Variants in CCT2 observed in about 807,000 individuals in gnomAD.
The protein encoded by CCT2 is chaperonin containing TCP1 subunit 2, also known as T-complex protein 1 subunit beta.
CCT2 carries 18 observed loss-of-function variants against 61.8 expected under a neutral mutation model. The ratio of observed to expected loss-of-function variants is 0.29; its 90% CI spans 0.20 to 0.43. CCT2 has a LOEUF of 0.43. Ranked by LOEUF, CCT2 falls within the 20% of genes least tolerant of loss-of-function variation. The pLI is 1.00. For missense variants in CCT2, 556 were observed against 656.9 expected, an observed-to-expected ratio of 0.85 and a Z score of 1.68; for synonymous variants, 248 against 215.9, an observed-to-expected ratio of 1.15 and a Z score of -1.30.
chr12:69,586,186 C>T, intron 1 of CCT2, 84 bp from the exon 2 acceptor site: 3 of 1,172,202 alleles, frequency 2.6e-6, no homozygotes, highest in Non-Finnish European at 2.5e-6. Flanking sequence ...TAGATGTCCA[C>T]TTGTAAGACT....
intron 10 of CCT2, among the ~76,000 whole-genome samples, chr12:69,593,917 C>T (rs1881910090): frequency 1.3e-5 from 2 of 151,766 alleles, no homozygotes; most frequent in African/African-American, 4.8e-5. Context: ...GCAGCCAGAT[C>T]GCTTGAGCTC....
At chr12:69,597,094 T>C in intron 10 of CCT2, 62 bp from the exon 11 acceptor site, 1 of 1,536,332 alleles carries the variant, frequency 6.5e-7, no homozygotes, top group Non-Finnish European at 9.0e-7. Context: ...CATTACTGCT[T>C]ATTAGAAAAC....
In CCT2 at chr12:69,594,237, T is replaced by TA. The variant is rs535730224; in HGVS notation, c.982+625dup. On this transcript the variant is annotated intron_variant, in intron 10 of 15. Coordinates refer to ENST00000299300, the MANE Select transcript of CCT2 (RefSeq NM_006431.3). Reference sequence around the variant, plus strand: ...AGCTTTAAAAAGTCTTAAGTCTACTTACATTTATCTAGTTCGTACATTTGT... The same window carrying TA: ...AGCTTTAAAAAGTCTTAAGTCTACTTAACATTTATCTAGTTCGTACATTTGT... Among the ~76,000 whole-genome samples the TA allele has an allele frequency of 3.9e-5, 6 of 152,354 alleles. No individual in the cohort carries two copies. In the South Asian group the frequency reaches 1.2e-3, roughly 32 times the overall value.
intron 14 of CCT2, 57 bp downstream of exon 14, chr12:69,598,478 C>CTT: frequency 2.0e-6 from 2 of 1,023,296 alleles, no homozygotes; most frequent in South Asian, 3.4e-5. Context: ...TTTCACTAAG[C>CTT]TTTTTTTTTC....
At chr12:69,600,604 A>G (rs1204775287) in intron 15 of CCT2, among the ~76,000 whole-genome samples, 2 of 151,314 alleles carry the variant, frequency 1.3e-5, no homozygotes, top group South Asian at 2.1e-4. Context: ...TTTTTTTCAG[A>G]TCAGTGCCCT....
intron 10 of CCT2, among the ~76,000 whole-genome samples, chr12:69,595,625 T>C (rs1593099992): frequency 6.7e-6 from 1 of 148,682 alleles, no homozygotes; most frequent in African/African-American, 2.5e-5. Context: ...GAGGTGGAGG[T>C]TGCAGTGAGC....
chr12:69,601,478 A>G lies in CCT2; in HGVS notation c.*153A>G, dbSNP rs1197801445. On this transcript the variant is annotated 3_prime_UTR_variant, in exon 16 of 16. Coordinates refer to ENST00000299300, the MANE Select transcript of CCT2 (RefSeq NM_006431.3). ...CTGACCTTCGCTTTAACATAGGTCT[A>G]ATTTATTTGCCGTGTCATTTTCCAT... 1.3e-6 allele frequency: 2 copies of G among 1,513,466 alleles called. No individual in the cohort carries two copies. The highest frequency in any genetic ancestry group is 1.8e-6 in the Non-Finnish European group (2 of 1,131,024). 93.8% of individuals were successfully genotyped at this position (1,513,466 alleles called of 1,614,324 possible).
At position 69,587,580 on chromosome 12, in the gene CCT2, A is replaced by T. The variant is rs763567991; in HGVS notation, c.220A>T (p.Ile74Phe). The change falls in exon 4 of 16, where the codon ATT (isoleucine) becomes TTT (phenylalanine). Residue 74 changes from isoleucine (I) to phenylalanine (F), a missense_variant. Physicochemically the swap from Ile to Phe is conservative, Grantham distance 21. This residue lies in a region of CCT2 where 308 missense variants were observed against 350.6 expected (regional missense o/e 0.88). Transcript: ENST00000299300. ...TNDGATILKNIGVDNPAAKVL... is the reference protein window; with the variant it reads ...TNDGATILKNFGVDNPAAKVL... The stretch of plus-strand genomic sequence containing the variant: ...TGATGGTGCCACTATTCTAAAAAAC[A>T]TTGGTGTTGACAATCCAGCAGCTAA... 5.6e-6 allele frequency: 9 copies of T among 1,613,118 alleles called. No homozygotes were observed. In the Admixed American group the frequency reaches 1.3e-4, roughly 24 times the overall value.
intron 1 of CCT2, 142 bp from the exon 2 acceptor site, chr12:69,586,128 A>G (rs1266068158): frequency 1.5e-5 from 17 of 1,116,224 alleles, no homozygotes; most frequent in Non-Finnish European, 2.2e-5. Flanking sequence ...TTCTCCGATG[A>G]TGGAAGCTTC....
At chr12:69,598,490 T>G (rs1283130614) in intron 14 of CCT2, 69 bp downstream of exon 14, 2 of 956,654 alleles carry the variant, frequency 2.1e-6, no homozygotes, top group East Asian at 5.1e-5. Context: ...TTTTTTTTCT[T>G]TTGGAACATA....
In CCT2 at chr12:69,592,118, A is replaced by C. The variant is rs1173295938; in HGVS notation, c.709A>C (p.Ile237Leu). 1.9e-6 allele frequency: 3 copies of C among 1,599,850 alleles called. No individual in the cohort carries two copies. Among genetic ancestry groups the C allele is most frequent in the Admixed American group, 3.3e-5 (2 of 59,908 alleles). The change falls in exon 8 of 16, where the codon ATT becomes CTT. Residue 237 changes from isoleucine (I) to leucine (L), a missense_variant. Ile to Leu is a conservative substitution (Grantham distance 5, BLOSUM62 2). Around this residue, in one of 3 missense-constraint regions of CCT2, gnomAD observed 308 missense variants for 350.6 expected, o/e 0.88. Coordinates refer to ENST00000299300, the MANE Select transcript of CCT2 (RefSeq NM_006431.3). ...NQPKRIENAKILIANTGMDTD... is the reference protein window; with the variant it reads ...NQPKRIENAKLLIANTGMDTD... The stretch of plus-strand genomic sequence containing the variant: ...ACCAAAACGAATTGAAAATGCTAAA[A>C]TTCTTATTGCAAATACTGGTATGGA...
intron 13 of CCT2, 43 bp from the exon 14 acceptor site, chr12:69,598,279 T>G: frequency 2.9e-6 from 4 of 1,371,286 alleles, no homozygotes; most frequent in Non-Finnish European, 4.1e-6. Flanking sequence ...TCAGTGGTTC[T>G]TACAGTAGAG....
chr12:69,598,535 G>A, intron 14 of CCT2, 114 bp downstream of exon 14: 1 of 537,412 alleles, frequency 1.9e-6, no homozygotes, highest in East Asian at 3.1e-5. Context: ...GACTCTTTTG[G>A]ACTTTGTCCT....
chr12:69,591,683 T>C (rs566283308), intron 7 of CCT2, among the ~76,000 whole-genome samples: 10 of 152,366 alleles, frequency 6.6e-5, no homozygotes, highest in African/African-American at 2.2e-4. Context: ...AAGTAACCCA[T>C]TAAATTGATT....
At position 69,597,077 on chromosome 12, in the gene CCT2, A is replaced by G. The variant is rs192078589; in HGVS notation, c.983-79A>G. On this transcript the variant is annotated intron_variant, in intron 10 of 15. Transcript: ENST00000299300. Reference sequence around the variant, plus strand: ...AATGTGAAACACATTACCTATCATTATCTATCCATTACTGCTTATTAGAAA... The same window carrying G: ...AATGTGAAACACATTACCTATCATTGTCTATCCATTACTGCTTATTAGAAA... The G allele has an allele frequency of 2.2e-3, 2,868 of 1,299,004 alleles. 11 individuals are homozygous for G. Among genetic ancestry groups the G allele is most frequent in the Non-Finnish European group, 2.2e-3 (2,046 of 917,598 alleles). The allele number at this position is 1,299,004 out of a possible 1,614,324, so 80.5% of individuals were successfully genotyped here. A position where few individuals can be genotyped will look rare whatever the true frequency, so the allele number is the denominator to read the frequency against.
At chr12:69,598,618 A>G (rs998161322) in intron 14 of CCT2, among the ~76,000 whole-genome samples, 197 bp downstream of exon 14, 4 of 152,226 alleles carry the variant, frequency 2.6e-5, no homozygotes, top group Non-Finnish European at 4.4e-5. Context: ...TTGTTATTCC[A>G]TAAGACATGT....
Position 69,601,392 on chromosome 12 carries a change from TAAAG to T in CCT2, c.*70_*73del, listed in dbSNP as rs1565803722. Reference sequence around the variant, plus strand: ...AAGTTGTGTTTGAAAGATACTCTATTAAAGAAGACTGTGGAATCTGTTTATCGGT... The same window carrying T: ...AAGTTGTGTTTGAAAGATACTCTATTAAGACTGTGGAATCTGTTTATCGGT... On this transcript the variant is annotated 3_prime_UTR_variant, in exon 16 of 16. Coordinates refer to ENST00000299300, the MANE Select transcript of CCT2 (RefSeq NM_006431.3). The T allele has an allele frequency of 1.2e-6, 2 of 1,613,648 alleles. No individual in the cohort carries two copies.
At chr12:69,595,996 C>T (rs1355053473) in intron 10 of CCT2, among the ~76,000 whole-genome samples, 2 of 152,132 alleles carry the variant, frequency 1.3e-5, no homozygotes, top group African/African-American at 4.8e-5. Flanking sequence ...TGCTTGTGCC[C>T]AGGAGGTTGT....
chr12:69,594,031 G>T (rs1000470965), intron 10 of CCT2, among the ~76,000 whole-genome samples: 4 of 152,014 alleles, frequency 2.6e-5, no homozygotes, highest in Non-Finnish European at 2.9e-5. Context: ...AGCCACTTGG[G>T]GGGAGGCTGA....
Sources: gnomAD v4.1 joint callset for allele counts (sites outside exome capture counted in the v4.1 genomes callset) on GRCh38, gnomAD v4.1.1 for gene constraint, gnomAD v4.1.1 regional missense constraint, MANE v1.5 for transcripts, NCBI Gene and HGNC (gene_info 2026-07-23, HGNC 2026-07-21) for gene names.